MYO18A: variants seen among roughly 807,000 people sequenced by gnomAD.
MYO18A encodes the protein myosin XVIIIA.
A neutral mutation model predicts 235.8 loss-of-function variants in MYO18A; 78 were observed. The observed-to-expected ratio is 0.33, with a 90% CI of 0.28 to 0.40. The LOEUF is 0.40. Among genes scored for constraint, MYO18A ranks in the 10% least tolerant of loss-of-function variants. The pLI is 1.00. For synonymous variants in MYO18A, 977 were observed against 1,077.8 expected (o/e 0.91, Z 1.83); for missense variants, 2,215 against 2,699.3 (o/e 0.82, Z 3.98).
intron 41 of MYO18A, 118 bp downstream of exon 41, chr17:29,082,198 C>T (rs748406176): frequency 1.4e-4 from 190 of 1,360,930 alleles, no homozygotes; most frequent in South Asian, 2.8e-4. Context: ...ATGCCCGGGC[C>T]GCAGTCACAA....
At chr17:29,128,990 C>A in intron 2 of MYO18A, 2 of 1,224,656 alleles carry the variant, frequency 1.6e-6, no homozygotes, top group Non-Finnish European at 2.2e-6. Flanking sequence ...ATGGAGAGGT[C>A]AAACAGCCGA....
In MYO18A at chr17:29,118,358, G is replaced by A; in HGVS notation, c.1893+19C>T. On this transcript the variant is annotated intron_variant, in intron 9 of 41. Transcript: ENST00000527372. This position sits in a 1 kb window ranked among gnomAD's most constrained non-coding sequence, Gnocchi z 4.2. ...CCCAAGGCCCAGGGCTGGCAACCCA[G>A]ACCCCACAGACCCCTCACCTTGGCC... The A allele has an allele frequency of 6.3e-7, 1 of 1,598,032 alleles. No individual in the cohort carries two copies. The highest frequency in any genetic ancestry group is 8.6e-7 in the Non-Finnish European group (1 of 1,167,848).
At chr17:29,086,662 G>T in intron 38 of MYO18A, 85 bp from the exon 39 acceptor site, 1 of 1,500,908 alleles carries the variant, frequency 6.7e-7, no homozygotes, top group Non-Finnish European at 9.0e-7. Flanking sequence ...AGTACTTTCC[G>T]GTCATGGGGG....
chr17:29,122,314 G>A (rs368727592), intron 2 of MYO18A, 61 bp from the exon 3 acceptor site: 88 of 1,481,266 alleles, frequency 5.9e-5, no homozygotes, highest in African/African-American at 5.8e-4. Context: ...AAGGACAGCC[G>A]TAGAGGGGAG....
intron 26 of MYO18A, among the ~76,000 whole-genome samples, 172 bp from the exon 27 acceptor site, chr17:29,097,522 G>A (rs1030363404): frequency 6.6e-6 from 1 of 152,244 alleles, no homozygotes. Context: ...GCCAGGAGAA[G>A]ACCAGAGCAT....
chr17:29,113,912 G>T, intron 15 of MYO18A, 99 bp downstream of exon 15: 1 of 943,604 alleles, frequency 1.1e-6, no homozygotes, highest in Non-Finnish European at 1.6e-6. Flanking sequence ...GCCCACAGTG[G>T]CACCCCCAGC....
intron 2 of MYO18A, among the ~76,000 whole-genome samples, chr17:29,161,709 G>C (rs766084919): frequency 6.6e-6 from 1 of 152,124 alleles, no homozygotes; most frequent in Non-Finnish European, 1.5e-5. Context: ...AGAATGGACC[G>C]ACTGAGGATA....
At chr17:29,100,063 T>C (rs749300228) in intron 21 of MYO18A, among the ~76,000 whole-genome samples, 10 of 151,958 alleles carry the variant, frequency 6.6e-5, no homozygotes, top group Non-Finnish European at 1.3e-4. Context: ...AGGAAGGAAA[T>C]GGAGCAGTCA....
chr17:29,103,485 G>A, intron 21 of MYO18A, 114 bp downstream of exon 21: 2 of 1,049,686 alleles, frequency 1.9e-6, no homozygotes, highest in Non-Finnish European at 2.9e-6. Context: ...AGACTCAGAG[G>A]GCACCAGGAG....
At chr17:29,144,709 A>T (rs1361401305) in intron 2 of MYO18A, among the ~76,000 whole-genome samples, 2 of 152,256 alleles carry the variant, frequency 1.3e-5, no homozygotes, top group Non-Finnish European at 2.9e-5. Context: ...TATCATTATT[A>T]TCATAAACCA....
Position 29,111,363 on chromosome 17 carries a change from G to A in MYO18A, c.2900+61C>T. On this transcript the variant is annotated intron_variant, in intron 17 of 41. Transcript: ENST00000527372. This position sits in a 1 kb window ranked among gnomAD's most constrained non-coding sequence, Gnocchi z 5.1. ...CCTCTGAGACAACCCCAGGGGGAGG[G>A]AGCCCCAAAATCAAAACAGTCCTGG... 3 of 1,565,150 alleles carry A rather than the reference G, an allele frequency of 1.9e-6. No individual in the cohort carries two copies. The highest frequency in any genetic ancestry group is 2.6e-6 in the Non-Finnish European group (3 of 1,151,336).
intron 2 of MYO18A, among the ~76,000 whole-genome samples, chr17:29,162,200 C>G (rs1176317539): frequency 6.6e-6 from 1 of 152,228 alleles, no homozygotes; most frequent in East Asian, 1.9e-4. Flanking sequence ...AACTTTGCTA[C>G]ACCCTAGAGC....
At chr17:29,093,789 G>A (rs189938625) in intron 31 of MYO18A, among the ~76,000 whole-genome samples, 191 bp downstream of exon 31, 128 of 152,268 alleles carry the variant, frequency 8.4e-4, no homozygotes, top group African/African-American at 2.7e-3. Context: ...TAGTTCCTCA[G>A]GGGCCCAAGC....
chr17:29,075,695 G>A (rs2065956958), intron 41 of MYO18A: 1 of 163,838 alleles, frequency 6.1e-6, no homozygotes, highest in East Asian at 1.9e-4. Context: ...AGGGAAGAGG[G>A]GACCTCATCT....
At chr17:29,122,779 G>A (rs1205003621) in intron 2 of MYO18A, among the ~76,000 whole-genome samples, 3 of 152,216 alleles carry the variant, frequency 2.0e-5, no homozygotes, top group East Asian at 1.9e-4. Flanking sequence ...GGACTTCGCA[G>A]TACAGAATGA....
chr17:29,094,314 T>A (rs2066470187), intron 30 of MYO18A: 1 of 600,042 alleles, frequency 1.7e-6, no homozygotes, highest in Admixed American at 3.0e-5. Context: ...GGGACAGTCC[T>A]GCAGCTTCTC....
At chr17:29,159,596 A>G (rs1439367156) in intron 2 of MYO18A, among the ~76,000 whole-genome samples, 3 of 152,248 alleles carry the variant, frequency 2.0e-5, no homozygotes, top group Non-Finnish European at 2.9e-5. Context: ...TGAGCCAGGC[A>G]GCACACAGCT....
At chr17:29,115,265 G>C (rs770692496) in intron 13 of MYO18A, 86 bp downstream of exon 13, 1 of 1,507,298 alleles carries the variant, frequency 6.6e-7, no homozygotes, top group Non-Finnish European at 9.1e-7. Context: ...GGAAGAGACC[G>C]GCTCTGCCTC....
In MYO18A at chr17:29,099,212, G is replaced by A. The variant is rs888868883; in HGVS notation, c.3637-243C>T. Among the ~76,000 whole-genome samples the A allele has an allele frequency of 3.9e-5, 6 of 152,258 alleles. No homozygotes were observed. In the East Asian group the frequency reaches 5.8e-4, roughly 15 times the overall value. On this transcript the variant is annotated intron_variant, in intron 22 of 41. Coordinates refer to ENST00000527372, the MANE Select transcript of MYO18A (RefSeq NM_078471.4). ...GCACTAGCCACTCCACTGCCATTAG[G>A]AATAATTTCATCTGCTTTATTTGCT... is the stretch of plus-strand genomic sequence containing the variant.
Sources: allele counts gnomAD v4.1 joint callset (sites outside exome capture counted in the v4.1 genomes callset), GRCh38; gene constraint gnomAD v4.1.1; non-coding constraint Gnocchi (gnomAD v3.1); transcripts MANE v1.5; gene names NCBI Gene and HGNC (gene_info 2026-07-23, HGNC 2026-07-21).